The following MIPOL1 variants were observed in gnomAD, a reference collection of about 807,000 sequenced individuals.
The protein encoded by MIPOL1 is mirror-image polydactyly 1.
MIPOL1 carries 57 observed loss-of-function variants against 60.9 expected under a neutral mutation model. The observed-to-expected ratio is 0.94, with a 90% CI of 0.76 to 1.17. The LOEUF is 1.17. Ranked by LOEUF, MIPOL1 falls within the 50% of genes most tolerant of loss-of-function variation. The pLI is 0.00. For missense variants in MIPOL1, 551 were observed against 511.6 expected, an observed-to-expected ratio of 1.08 and a Z score of -0.74; for synonymous variants, 179 against 168.8, an observed-to-expected ratio of 1.06 and a Z score of -0.47.
chr14:37,260,388 AG>A (rs1331917690), intron 3 of MIPOL1, among the ~76,000 whole-genome samples: 1 of 152,160 alleles, frequency 6.6e-6, no homozygotes, highest in Non-Finnish European at 1.5e-5. Flanking sequence ...CAGTCTAGAA[AG>A]GGAGACACAC....
At chr14:37,239,901 A>G (rs1195117761) in intron 1 of MIPOL1, among the ~76,000 whole-genome samples, 1 of 152,200 alleles carries the variant, frequency 6.6e-6, no homozygotes. Flanking sequence ...GTATTCTATA[A>G]CCTGTAAGCT....
At chr14:37,254,415 T>A (rs1421291069) in intron 3 of MIPOL1, among the ~76,000 whole-genome samples, 1 of 151,792 alleles carries the variant, frequency 6.6e-6, no homozygotes, top group Non-Finnish European at 1.5e-5. Context: ...TTCATGTTGG[T>A]GAGTTTATGC....
intron 12 of MIPOL1, among the ~76,000 whole-genome samples, chr14:37,530,273 A>C (rs548086768): frequency 6.6e-6 from 1 of 152,308 alleles, no homozygotes; most frequent in South Asian, 2.1e-4. Context: ...TCTTTATTTC[A>C]ATACTAAGAA....
At chr14:37,357,864 A>T (rs1317616639) in intron 9 of MIPOL1, among the ~76,000 whole-genome samples, 1 of 151,820 alleles carries the variant, frequency 6.6e-6, no homozygotes, top group Non-Finnish European at 1.5e-5. Flanking sequence ...TTATACTTTA[A>T]GTTCTAGGGT....
intron 9 of MIPOL1, among the ~76,000 whole-genome samples, chr14:37,313,148 T>G (rs2087525111): frequency 6.6e-6 from 1 of 151,998 alleles, no homozygotes; most frequent in South Asian, 2.1e-4. Flanking sequence ...ATAAATCATA[T>G]TGCATCAAAT....
intron 1 of MIPOL1, among the ~76,000 whole-genome samples, chr14:37,212,883 T>C (rs1966932341): frequency 6.6e-6 from 1 of 152,104 alleles, no homozygotes; most frequent in South Asian, 2.1e-4. Context: ...AGAGAGAGAT[T>C]CTGTGTGTTT....
chr14:37,465,286 A>G (rs2094584989), intron 11 of MIPOL1, among the ~76,000 whole-genome samples: 1 of 152,180 alleles, frequency 6.6e-6, no homozygotes, highest in Non-Finnish European at 1.5e-5. Context: ...TACTGAAATA[A>G]TCTTTAGACA....
intron 9 of MIPOL1, among the ~76,000 whole-genome samples, chr14:37,356,702 C>G (rs572677577): frequency 3.9e-5 from 6 of 152,186 alleles, no homozygotes; most frequent in Admixed American, 6.5e-5. Flanking sequence ...TTCTTTGACT[C>G]GGAAAGGGAA....
intron 12 of MIPOL1, among the ~76,000 whole-genome samples, chr14:37,513,866 CAATAG>C (rs1173942092): frequency 6.6e-6 from 1 of 151,794 alleles, no homozygotes; most frequent in Admixed American, 6.6e-5. Context: ...CAGATGAACA[CAATAG>C]AGAGGAATGG....
At chr14:37,442,024 C>A (rs1388544279) in intron 11 of MIPOL1, among the ~76,000 whole-genome samples, 6 of 151,920 alleles carry the variant, frequency 3.9e-5, no homozygotes, top group Non-Finnish European at 7.4e-5. Flanking sequence ...CATGCCCCAC[C>A]ACTGTGGATT....
intron 6 of MIPOL1, among the ~76,000 whole-genome samples, chr14:37,282,769 AAG>A (rs1491173810): frequency 1.1e-4 from 17 of 151,192 alleles, no homozygotes; most frequent in African/African-American, 4.1e-4. Context: ...AAAAAAAAAA[AAG>A]AAGGTAGTTA....
chr14:37,378,125 T>C (rs773029192), intron 10 of MIPOL1, among the ~76,000 whole-genome samples: 3 of 152,100 alleles, frequency 2.0e-5, no homozygotes, highest in Non-Finnish European at 2.9e-5. Flanking sequence ...CTTTGGAACA[T>C]TGGCAGTTTA....
intron 7 of MIPOL1, among the ~76,000 whole-genome samples, chr14:37,286,709 T>G (rs926811301): frequency 6.6e-6 from 1 of 152,110 alleles, no homozygotes; most frequent in African/African-American, 2.4e-5. Flanking sequence ...TTGTTTAGAT[T>G]AATGGCTTCA....
chr14:37,552,039 G>A (rs1301779688), downstream of MIPOL1: 3 of 152,026 alleles, frequency 2.0e-5, no homozygotes, highest in East Asian at 5.8e-4. Context: ...ATTCAATCAT[G>A]ATAAGGTAAA....
At chr14:37,394,230 A>T (rs1432460552) in intron 10 of MIPOL1, among the ~76,000 whole-genome samples, 1 of 151,320 alleles carries the variant, frequency 6.6e-6, no homozygotes, top group Non-Finnish European at 1.5e-5. Flanking sequence ...GAACATGCGT[A>T]TACAAGTAAA....
At chr14:37,345,078 T>C (rs894890715) in intron 9 of MIPOL1, among the ~76,000 whole-genome samples, 1 of 152,060 alleles carries the variant, frequency 6.6e-6, no homozygotes, top group African/African-American at 2.4e-5. Flanking sequence ...TCCTCCAACA[T>C]TAACAATTTG....
intron 11 of MIPOL1, among the ~76,000 whole-genome samples, chr14:37,431,180 G>A (rs1463798083): frequency 6.6e-6 from 1 of 152,144 alleles, no homozygotes; most frequent in African/African-American, 2.4e-5. Context: ...TTAAAAAAGT[G>A]CAGTGTTTCC....
chr14:37,221,429 C>A (rs905861995), intron 1 of MIPOL1, among the ~76,000 whole-genome samples: 1 of 152,128 alleles, frequency 6.6e-6, no homozygotes, highest in Admixed American at 6.5e-5. Context: ...AATACTGTCA[C>A]GTGGTGTGTT....
chr14:37,418,898 A>G (rs1280643201), intron 10 of MIPOL1, among the ~76,000 whole-genome samples: 1 of 152,100 alleles, frequency 6.6e-6, no homozygotes, highest in Admixed American at 6.5e-5. Flanking sequence ...AATAAAGTAT[A>G]TAACTTTATT....
Sources: allele counts gnomAD v4.1 joint callset (sites outside exome capture counted in the v4.1 genomes callset), GRCh38; gene constraint gnomAD v4.1.1; transcripts MANE v1.5; gene names NCBI Gene and HGNC (gene_info 2026-07-23, HGNC 2026-07-21).